Variants in TMLHE observed in about 807,000 individuals in gnomAD.
TMLHE encodes trimethyllysine dioxygenase, mitochondrial.
In TMLHE, 18 loss-of-function variants were observed where a neutral mutation model predicts 25.7. The ratio of observed to expected loss-of-function variants is 0.70; its 90% CI spans 0.48 to 1.04. TMLHE has a LOEUF of 1.04. Among genes scored for constraint, TMLHE ranks in the 50% least tolerant of loss-of-function variants. The probability of loss-of-function intolerance (pLI) is 0.00; values close to 1 mark genes in which losing one functional copy is unlikely to be tolerated. For synonymous variants in TMLHE, 105 were observed against 97.0 expected (o/e 1.08, Z -0.49); for missense variants, 236 against 259.0 (o/e 0.91, Z 0.61).
At chrX:155,542,935 G>GGTGT (rs781984053) in intron 2 of TMLHE, among the ~76,000 whole-genome samples, 10 of 107,497 alleles carry the variant, frequency 9.3e-5, no homozygotes, top group African/African-American at 2.7e-4. Flanking sequence ...TATTTTAAGG[G>GGTGT]GTGTGTGTGT....
chrX:155,510,702 G>A (rs12378859), intron 5 of TMLHE, among the ~76,000 whole-genome samples: 61 of 108,234 alleles, frequency 5.6e-4, no homozygotes, highest in African/African-American at 2.0e-3. Context: ...TAGTGCCACA[G>A]TAAACATACG....
chrX:155,545,343 A>G, intron 1 of TMLHE, 66 bp from the exon 2 acceptor site: 47 of 829,070 alleles, frequency 5.7e-5, no homozygotes, highest in Non-Finnish European at 7.9e-5. Flanking sequence ...TATAGGAATA[A>G]CACTACAGAT....
chrX:155,601,646 T>C (rs781962771), intron 1 of TMLHE, among the ~76,000 whole-genome samples: 1 of 110,898 alleles, frequency 9.0e-6, no homozygotes, highest in African/African-American at 3.3e-5. Context: ...AACAAAGAAG[T>C]CAAGAAACAT....
intron 1 of TMLHE, among the ~76,000 whole-genome samples, chrX:155,558,975 C>T (rs1052323540): frequency 2.3e-4 from 26 of 111,170 alleles, no homozygotes; most frequent in Non-Finnish European, 4.3e-4. Flanking sequence ...TTTAAGTACT[C>T]GCTTATTTGA....
At chrX:155,585,840 T>C (rs2067660568) in intron 1 of TMLHE, among the ~76,000 whole-genome samples, 1 of 112,027 alleles carries the variant, frequency 8.9e-6, no homozygotes, top group African/African-American at 3.2e-5. Flanking sequence ...CAACAACTTT[T>C]TAAAAACTGA....
In TMLHE at chrX:155,600,496, A is replaced by T. The variant is rs1025959268; in HGVS notation, c.-2+12296T>A. ...AAAAGGGAATTGGTAGAGTCTTTCAAGATGGCTGACTAGAGGCACAAGACA... is the reference window on the plus strand; with the variant it reads ...AAAAGGGAATTGGTAGAGTCTTTCATGATGGCTGACTAGAGGCACAAGACA... On this transcript the variant is annotated intron_variant, in intron 1 of 7. Transcript: ENST00000334398. 4.5e-5 allele frequency among the ~76,000 whole-genome samples: 5 copies of T among 112,199 alleles called. No homozygotes were observed. In the East Asian group the frequency reaches 1.4e-3, roughly 31 times the overall value.
chrX:155,557,138 T>C (rs1314158451), intron 1 of TMLHE, among the ~76,000 whole-genome samples: 1 of 111,884 alleles, frequency 8.9e-6, no homozygotes, highest in Non-Finnish European at 1.9e-5. Flanking sequence ...CCTGAGACGA[T>C]ATACATCCTT....
intron 3 of TMLHE, among the ~76,000 whole-genome samples, chrX:155,521,887 C>G (rs1320708413): frequency 2.3e-5 from 2 of 88,368 alleles, no homozygotes; most frequent in South Asian, 6.7e-4. Context: ...GGCTCGCGCA[C>G]GGTGCGCACA....
intron 1 of TMLHE, among the ~76,000 whole-genome samples, chrX:155,573,961 T>C (rs2067574026): frequency 9.7e-6 from 1 of 102,829 alleles, no homozygotes; most frequent in African/African-American, 3.8e-5. Context: ...TGTGCACATG[T>C]ACCCTAAAAC....
intron 1 of TMLHE, among the ~76,000 whole-genome samples, chrX:155,582,608 A>T (rs2067637298): frequency 8.9e-6 from 1 of 112,248 alleles, no homozygotes; most frequent in Non-Finnish European, 1.9e-5. Flanking sequence ...AATGCAAATC[A>T]AAACCACAAT....
At chrX:155,528,006 C>T (rs2067229289) in intron 2 of TMLHE, among the ~76,000 whole-genome samples, 1 of 111,094 alleles carries the variant, frequency 9.0e-6, no homozygotes, top group Non-Finnish European at 1.9e-5. Flanking sequence ...AGGAAAGTCA[C>T]CAGAAGTGAC....
intron 1 of TMLHE, among the ~76,000 whole-genome samples, chrX:155,560,092 G>C (rs1248656511): frequency 1.8e-5 from 2 of 111,867 alleles, no homozygotes; most frequent in South Asian, 7.4e-4. Context: ...TGAGCTCCTT[G>C]AGGAGAGGCA....
Position 155,603,361 on chromosome X carries a change from A to AGAAT in TMLHE, c.-2+9430_-2+9431insATTC, listed in dbSNP as rs1362882990. Among the ~76,000 whole-genome samples, 17 of 44,669 alleles carry AGAAT rather than the reference A, an allele frequency of 3.8e-4. No homozygotes were observed. In the Admixed American group the frequency reaches 4.2e-3, roughly 11 times the overall value. The allele number at this position is 44,669 out of a possible 115,157, so 38.8% of individuals were successfully genotyped here. A position where few individuals can be genotyped will look rare whatever the true frequency, so the allele number is the denominator to read the frequency against. Reference sequence around the variant, plus strand: ...GAAAGAAAAGAAAGAAGAAAAGAAAAGAAAGAATGAAAGAAAGAAAGAAAG... The same window carrying AGAAT: ...GAAAGAAAAGAAAGAAGAAAAGAAAAGAATGAAAGAATGAAAGAAAGAAAGAAAG... On this transcript the variant is annotated intron_variant, in intron 1 of 7. Transcript: ENST00000334398.
chrX:155,580,445 G>C (rs187856502), intron 1 of TMLHE, among the ~76,000 whole-genome samples: 228 of 111,647 alleles, frequency 2.0e-3, no homozygotes, highest in African/African-American at 7.3e-3. Flanking sequence ...AGTAAAAATA[G>C]AACTACCGTT....
At chrX:155,558,060 ATATCTCCC>A (rs2067470291) in intron 1 of TMLHE, among the ~76,000 whole-genome samples, 1 of 111,702 alleles carries the variant, frequency 9.0e-6, no homozygotes, top group Non-Finnish European at 1.9e-5. Flanking sequence ...CTCCATTTGA[ATATCTCCC>A]TAGGCTTTTC....
intron 3 of TMLHE, among the ~76,000 whole-genome samples, chrX:155,521,946 G>T (rs1458135543): frequency 2.0e-5 from 2 of 100,965 alleles, no homozygotes; most frequent in African/African-American, 7.3e-5. Flanking sequence ...AGATGAACCC[G>T]GTACCTCAGA....
At chrX:155,510,925 T>C (rs1478876302) in intron 5 of TMLHE, among the ~76,000 whole-genome samples, 1 of 108,559 alleles carries the variant, frequency 9.2e-6, no homozygotes, top group African/African-American at 3.3e-5. Flanking sequence ...TTTCCTGACT[T>C]TTTAATGATT....
chrX:155,579,537 T>C (rs1381142551), intron 1 of TMLHE, among the ~76,000 whole-genome samples: 2 of 111,846 alleles, frequency 1.8e-5, no homozygotes, highest in South Asian at 3.7e-4. Context: ...AACTTTTGTT[T>C]TAGAATTAGA....
intron 1 of TMLHE, among the ~76,000 whole-genome samples, chrX:155,595,646 C>G (rs188599093): frequency 8.9e-6 from 1 of 112,244 alleles, no homozygotes; most frequent in East Asian, 2.8e-4. Context: ...TGCAGCTATG[C>G]CAGCAGGCAC....
Sources: allele counts gnomAD v4.1 joint callset (sites outside exome capture counted in the v4.1 genomes callset), GRCh38; gene constraint gnomAD v4.1.1; transcripts MANE v1.5; gene names NCBI Gene and HGNC (gene_info 2026-07-23, HGNC 2026-07-21).